PURG: variants seen among roughly 807,000 people sequenced by gnomAD.
The protein encoded by PURG is purine rich element binding protein G.
PURG carries 3 observed loss-of-function variants against 24.3 expected under a neutral mutation model. The ratio of observed to expected loss-of-function variants is 0.12; its 90% CI spans 0.06 to 0.32. The LOEUF (loss-of-function observed/expected upper bound fraction) is 0.32, where lower values mean the gene tolerates loss of function less well. Among genes scored for constraint, PURG ranks in the 10% least tolerant of loss-of-function variants. PURG has a pLI of 1.00. For synonymous variants in PURG, 180 were observed against 173.1 expected (o/e 1.04, Z -0.31); for missense variants, 371 against 439.1 (o/e 0.84, Z 1.39).
In PURG at chr8:31,015,964, G is replaced by T. The variant is rs117833142; in HGVS notation, c.864+15955C>A. On this transcript the variant is annotated intron_variant, in intron 1 of 1. Coordinates refer to the PURG transcript ENST00000339382. ...GCTACTTGGGAGGCTGAGGTGGGAGGACTGCTTGTGCCTGCCAAGTCGAGG... is the reference window on the plus strand; with the variant it reads ...GCTACTTGGGAGGCTGAGGTGGGAGTACTGCTTGTGCCTGCCAAGTCGAGG... Among the ~76,000 whole-genome samples the T allele has an allele frequency of 7.3e-4, 111 of 152,106 alleles. No individual in the cohort carries two copies. In the East Asian group the frequency reaches 0.018, roughly 25 times the overall value.
At chr8:31,006,497 G>A (rs1474630578) in intron 1 of PURG, among the ~76,000 whole-genome samples, 2 of 151,358 alleles carry the variant, frequency 1.3e-5, no homozygotes, top group Admixed American at 6.6e-5. Flanking sequence ...GGGAGACTGA[G>A]GCAAGAGAAT....
chr8:31,012,936 T>A (rs1430651584), intron 1 of PURG, among the ~76,000 whole-genome samples: 1 of 152,262 alleles, frequency 6.6e-6, no homozygotes, highest in Non-Finnish European at 1.5e-5. Context: ...TAATGTAGCA[T>A]TCACGTTCAC....
intron 1 of PURG, among the ~76,000 whole-genome samples, chr8:30,999,962 G>C (rs536712254): frequency 9.5e-6 from 1 of 105,684 alleles, no homozygotes; most frequent in South Asian, 2.7e-4. Context: ...TAAGTCGTAT[G>C]TGTTTTCCTT....
chr8:31,009,611 T>C (rs375168213), intron 1 of PURG, among the ~76,000 whole-genome samples: 1 of 152,228 alleles, frequency 6.6e-6, no homozygotes, highest in South Asian at 2.1e-4. Flanking sequence ...TTTAATCCTA[T>C]TGAAATGGAA....
At chr8:31,027,202 C>T (rs1811107566), downstream of PURG, among the ~76,000 whole-genome samples, 1 of 151,676 alleles carries the variant, frequency 6.6e-6, no homozygotes, top group East Asian at 1.9e-4. Flanking sequence ...ATAAATATTA[C>T]ACCTGTATTA....
intron 1 of PURG, among the ~76,000 whole-genome samples, chr8:31,017,944 C>T (rs1417170541): frequency 6.6e-6 from 1 of 152,144 alleles, no homozygotes; most frequent in African/African-American, 2.4e-5. Context: ...CCTATTGCCT[C>T]TTGTGTCATT....
chr8:31,016,546 C>T (rs1002039102), intron 1 of PURG, among the ~76,000 whole-genome samples: 3 of 85,762 alleles, frequency 3.5e-5, no homozygotes, highest in Non-Finnish European at 6.7e-5. Flanking sequence ...GCTGGAAAAA[C>T]GATATGGAAG....
At chr8:31,001,851 A>T (rs559200488) in intron 1 of PURG, among the ~76,000 whole-genome samples, 1 of 152,262 alleles carries the variant, frequency 6.6e-6, no homozygotes, top group Admixed American at 6.5e-5. Flanking sequence ...ATTACTCTTG[A>T]ATAGGGTAGT....
intron 1 of PURG, among the ~76,000 whole-genome samples, chr8:31,018,479 A>C (rs1810916388): frequency 6.6e-6 from 1 of 152,346 alleles, no homozygotes; most frequent in East Asian, 1.9e-4. Flanking sequence ...GTTGAGCTGA[A>C]GTCTACTATA....
Position 31,031,624 on chromosome 8 carries a change from G to GTAT in PURG, c.*112_*114dup, listed in dbSNP as rs1206260659. The GTAT allele has an allele frequency of 1.4e-5, 12 of 836,410 alleles. No individual in the cohort carries two copies. In the Middle Eastern group the frequency reaches 7.8e-4, roughly 55 times the overall value. 51.8% of individuals were successfully genotyped at this position (836,410 alleles called of 1,614,324 possible). ...CTTCCTGAAGTATCAACTACTAGAG[G>GTAT]TATTACTAATAACAACGGGCCAAAA... On this transcript the variant is annotated 3_prime_UTR_variant, in exon 2 of 2. Coordinates refer to ENST00000523392, the MANE Select transcript of PURG (RefSeq NM_001323311.2).
chr8:31,012,929 T>C (rs1221833005), intron 1 of PURG, among the ~76,000 whole-genome samples: 1 of 152,260 alleles, frequency 6.6e-6, no homozygotes, highest in Non-Finnish European at 1.5e-5. Flanking sequence ...TACTGAGTAA[T>C]GTAGCATTCA....
At chr8:31,007,720 G>A (rs998849279) in intron 1 of PURG, among the ~76,000 whole-genome samples, 2 of 152,120 alleles carry the variant, frequency 1.3e-5, no homozygotes, top group Admixed American at 6.5e-5. Context: ...CATCAAAATC[G>A]ATGGTAGATC....
chr8:31,000,138 T>C (rs894606215), intron 1 of PURG, among the ~76,000 whole-genome samples: 2 of 152,090 alleles, frequency 1.3e-5, no homozygotes, highest in African/African-American at 4.8e-5. Flanking sequence ...TCCTATAAAG[T>C]CCAGCAAAAA....
In PURG at chr8:31,033,342, A is replaced by G. The variant is rs1811303433; in HGVS notation, c.-271T>C. 1 of 155,470 alleles carries G rather than the reference A, an allele frequency of 6.4e-6. No individual in the cohort carries two copies. 9.6% of individuals were successfully genotyped at this position (155,470 alleles called of 1,614,324 possible). On this transcript the variant is annotated 5_prime_UTR_variant, in exon 1 of 2. Transcript: ENST00000523392. ...CCCGCACCCGCCAGGAGGGGAGGGA[A>G]GGGGAGGCGGGGAGAGCGACGGCGG...
At chr8:31,014,508 CAA>C (rs1246886343) in intron 1 of PURG, among the ~76,000 whole-genome samples, 1 of 151,946 alleles carries the variant, frequency 6.6e-6, no homozygotes, top group African/African-American at 2.4e-5. Context: ...TTCTTACTGC[CAA>C]AGATTTTGAA....
intron 1 of PURG, among the ~76,000 whole-genome samples, chr8:31,017,568 C>T (rs2129815259): frequency 6.6e-6 from 1 of 152,184 alleles, no homozygotes; most frequent in Non-Finnish European, 1.5e-5. Context: ...TCCATAAAAG[C>T]TACTATTTGC....
rs1172783987 is a variant in PURG, at chr8:31,007,181, G to A, written c.865-10484C>T. On this transcript the variant is annotated intron_variant, in intron 1 of 1. Transcript: ENST00000339382. ...TGTGCTGTTTCATGTAAACATTTCT[G>A]AGGGCAAGAGGAATCATTAGTATCA... Among the ~76,000 whole-genome samples, 6 of 152,248 alleles carry A rather than the reference G, an allele frequency of 3.9e-5. No homozygotes were observed. In the East Asian group the frequency reaches 1.2e-3, roughly 29 times the overall value.
chr8:31,022,938 G>A (rs1811025093), intron 1 of PURG, among the ~76,000 whole-genome samples: 1 of 152,124 alleles, frequency 6.6e-6, no homozygotes, highest in South Asian at 2.1e-4. Context: ...TGGCTCTGTT[G>A]TTTTATTTTG....
intron 1 of PURG, among the ~76,000 whole-genome samples, chr8:31,008,890 T>A (rs1304476390): frequency 1.3e-5 from 2 of 152,194 alleles, no homozygotes; most frequent in Non-Finnish European, 2.9e-5. Flanking sequence ...GATTGCCTGA[T>A]AACTTTAGGG....
Sources: allele counts gnomAD v4.1 joint callset (sites outside exome capture counted in the v4.1 genomes callset), GRCh38; gene constraint gnomAD v4.1.1; transcripts MANE v1.5; gene names NCBI Gene and HGNC (gene_info 2026-07-23, HGNC 2026-07-21).